The following ABTB3 variants were observed in gnomAD, a reference collection of about 807,000 sequenced individuals.
The protein encoded by ABTB3 is ankyrin repeat- and BTB/POZ domain-containing protein 3.
the ABTB3 span, among the ~76,000 whole-genome samples, chr12:107,516,301 G>T: frequency 6.6e-6 from 1 of 151,718 alleles, no homozygotes; most frequent in Non-Finnish European, 1.5e-5. Flanking sequence ...CATGATCTCA[G>T]CTCACTGCAA....
the ABTB3 span, among the ~76,000 whole-genome samples, chr12:107,646,696 T>C: frequency 6.6e-6 from 1 of 152,102 alleles, no homozygotes; most frequent in South Asian, 2.1e-4. Flanking sequence ...TGTTTATGGG[T>C]AGGGTGTACA....
the ABTB3 span, among the ~76,000 whole-genome samples, chr12:107,343,232 C>T: frequency 6.6e-6 from 1 of 152,052 alleles, no homozygotes; most frequent in Non-Finnish European, 1.5e-5. Context: ...CCAGGCCAGT[C>T]TCGAACTCCT....
chr12:107,567,523 T>C, the ABTB3 span, among the ~76,000 whole-genome samples: 1 of 152,242 alleles, frequency 6.6e-6, no homozygotes, highest in Non-Finnish European at 1.5e-5. Context: ...TCACATGTTA[T>C]TCAGGCTTGT....
chr12:107,481,898 TC>T, the ABTB3 span, among the ~76,000 whole-genome samples: 181 of 130,914 alleles, frequency 1.4e-3, no homozygotes, highest in African/African-American at 4.8e-3. Flanking sequence ...TCTCTCTCTC[TC>T]TCTCTCTCTC....
At chr12:107,575,315 G>A in the ABTB3 span, among the ~76,000 whole-genome samples, 1 of 152,192 alleles carries the variant, frequency 6.6e-6, no homozygotes, top group African/African-American at 2.4e-5. Flanking sequence ...GGGAGAAGAT[G>A]AGTGATGCTA....
the ABTB3 span, among the ~76,000 whole-genome samples, chr12:107,584,953 T>C: frequency 2.0e-5 from 3 of 151,932 alleles, no homozygotes; most frequent in African/African-American, 2.4e-5. Flanking sequence ...ACAAACCTGG[T>C]GAATTCTCCC....
the ABTB3 span, among the ~76,000 whole-genome samples, chr12:107,525,558 C>T: frequency 2.0e-5 from 3 of 151,992 alleles, no homozygotes; most frequent in Non-Finnish European, 4.4e-5. Context: ...AGGCTCTGCC[C>T]CTAGGTTTGT....
the ABTB3 span, among the ~76,000 whole-genome samples, chr12:107,440,325 C>T: frequency 6.6e-6 from 1 of 152,230 alleles, no homozygotes. Flanking sequence ...TTCCCAGACA[C>T]CCCAAGCTCA....
chr12:107,431,892 G>T, the ABTB3 span, among the ~76,000 whole-genome samples: 1 of 152,200 alleles, frequency 6.6e-6, no homozygotes, highest in Non-Finnish European at 1.5e-5. Flanking sequence ...CCCCGGCCTG[G>T]CCCATGGAAC....
chr12:107,453,393 G>T, the ABTB3 span, among the ~76,000 whole-genome samples: 2 of 152,138 alleles, frequency 1.3e-5, no homozygotes, highest in Non-Finnish European at 2.9e-5. Flanking sequence ...GGTCATGAGG[G>T]TGGAGACCTC....
the ABTB3 span, among the ~76,000 whole-genome samples, chr12:107,425,340 C>A: frequency 1.3e-5 from 2 of 152,200 alleles, no homozygotes; most frequent in African/African-American, 4.8e-5. Flanking sequence ...CTGATACCTA[C>A]CATATGGATG....
At chr12:107,324,476 TAAATA>T in the ABTB3 span, among the ~76,000 whole-genome samples, 4 of 152,058 alleles carry the variant, frequency 2.6e-5, no homozygotes, top group African/African-American at 9.7e-5. Flanking sequence ...AAAAAATAAA[TAAATA>T]AAATAAAATA....
At chr12:107,612,821 G>A in the ABTB3 span, 1 of 1,614,012 alleles carries the variant, frequency 6.2e-7, no homozygotes. Flanking sequence ...GTGGGGACGA[G>A]GCGATGGTTC....
At chr12:107,607,915 C>T in the ABTB3 span, among the ~76,000 whole-genome samples, 2 of 152,144 alleles carry the variant, frequency 1.3e-5, no homozygotes, top group African/African-American at 2.4e-5. Context: ...GGAGTCTCAG[C>T]GCCATAAACC....
At chr12:107,453,751 G>T in the ABTB3 span, among the ~76,000 whole-genome samples, 1 of 152,348 alleles carries the variant, frequency 6.6e-6, no homozygotes, top group East Asian at 1.9e-4. Flanking sequence ...GCAGTGAAGA[G>T]GCTGTTGGAG....
the ABTB3 span, among the ~76,000 whole-genome samples, chr12:107,583,683 C>G: frequency 6.6e-6 from 1 of 152,186 alleles, no homozygotes; most frequent in Non-Finnish European, 1.5e-5. Context: ...TCTGCATGGT[C>G]TAGCGACCAA....
chr12:107,560,396 G>A, the ABTB3 span, among the ~76,000 whole-genome samples: 21 of 152,198 alleles, frequency 1.4e-4, no homozygotes, highest in Admixed American at 3.9e-4. Flanking sequence ...CTGGGAGGGA[G>A]CCTCACCCAC....
chr12:107,435,365 C>T, the ABTB3 span, among the ~76,000 whole-genome samples: 1 of 152,208 alleles, frequency 6.6e-6, no homozygotes, highest in Non-Finnish European at 1.5e-5. Flanking sequence ...ACACCTTTTA[C>T]TCAGCACTCT....
chr12:107,537,992 C>A, the ABTB3 span, among the ~76,000 whole-genome samples: 3 of 152,154 alleles, frequency 2.0e-5, no homozygotes, highest in African/African-American at 7.2e-5. Context: ...AAGGGCACGA[C>A]TGGGAAGTCT....
Sources: allele counts gnomAD v4.1 joint callset (sites outside exome capture counted in the v4.1 genomes callset), GRCh38; gene constraint gnomAD v4.1.1; transcripts MANE v1.5; gene names NCBI Gene and HGNC (gene_info 2026-07-23, HGNC 2026-07-21).